Variants in PDE12 observed in about 807,000 individuals in gnomAD.
PDE12 encodes the protein 2',5'-phosphodiesterase 12.
PDE12 carries 26 observed loss-of-function variants against 45.4 expected under a neutral mutation model. The observed-to-expected ratio is 0.57, with a 90% CI of 0.42 to 0.79. The LOEUF is 0.79. PDE12 is among the 30% of genes least tolerant of loss of function. The pLI is 0.00. For synonymous variants in PDE12, 283 were observed against 323.9 expected (o/e 0.87, Z 1.36); for missense variants, 668 against 790.0 (o/e 0.85, Z 1.85).
the PDE12 span, among the ~76,000 whole-genome samples, chr3:57,651,858 T>C: frequency 7.9e-5 from 12 of 152,058 alleles, no homozygotes; most frequent in Non-Finnish European, 1.3e-4. Context: ...TTAGAATCTA[T>C]TGAATAAAAC....
the PDE12 span, chr3:57,572,145 T>C: frequency 7.9e-7 from 1 of 1,261,814 alleles, no homozygotes; most frequent in Non-Finnish European, 1.2e-6. Context: ...AGATACAAAC[T>C]AATTTTGTTG....
At position 57,566,586 on chromosome 3, in the gene PDE12, A is replaced by G. The variant is rs2069788286; in HGVS notation, c.*6582A>G. On this transcript the variant is annotated 3_prime_UTR_variant, in exon 3 of 3. Transcript: ENST00000311180. ...CACTATTTTGCATTCCCACCAAGCA[A>G]TATGAGGGTTCCAGTTTCCCTCCAT... The G allele has an allele frequency of 6.6e-6, 1 of 152,194 alleles. No homozygotes were observed. The highest frequency in any genetic ancestry group is 2.4e-5 in the African/African-American group (1 of 41,442). The allele number at this position is 152,194 out of a possible 1,614,324, so 9.4% of individuals were successfully genotyped here.
At chr3:57,580,478 T>A in the PDE12 span, among the ~76,000 whole-genome samples, 1 of 152,142 alleles carries the variant, frequency 6.6e-6, no homozygotes, top group African/African-American at 2.4e-5. Flanking sequence ...TGTAGCTCAC[T>A]TCAGCCTCCA....
the PDE12 span, among the ~76,000 whole-genome samples, chr3:57,572,494 G>T: frequency 6.6e-6 from 1 of 151,674 alleles, no homozygotes; most frequent in South Asian, 2.1e-4. Flanking sequence ...GCGGAGATGG[G>T]AGGATCACTT....
chr3:57,594,596 C>A, the PDE12 span, among the ~76,000 whole-genome samples: 1 of 152,104 alleles, frequency 6.6e-6, no homozygotes, highest in African/African-American at 2.4e-5. Flanking sequence ...AGCAGGTGTA[C>A]GAATTAAATT....
the PDE12 span, among the ~76,000 whole-genome samples, chr3:57,594,620 T>C: frequency 5.3e-5 from 8 of 152,236 alleles, no homozygotes; most frequent in African/African-American, 1.9e-4. Flanking sequence ...AACTTCTCCA[T>C]AGTAGTTTGG....
rs1414723395 is a variant in PDE12 at position 57,561,577 on chromosome 3, G to A, written c.*1573G>A. On this transcript the variant is annotated 3_prime_UTR_variant, in exon 3 of 3. Coordinates refer to ENST00000311180, the MANE Select transcript of PDE12 (RefSeq NM_177966.7). ...ATACATTATTTATAATGCATTAGCT[G>A]TATTAGCTGTTGCTTTTTTGATGTT... The A allele has an allele frequency of 3.0e-6, 3 of 984,474 alleles. No individual in the cohort carries two copies. Among genetic ancestry groups the A allele is most frequent in the Non-Finnish European group, 3.6e-6 (3 of 829,282 alleles). 61.0% of individuals were successfully genotyped at this position (984,474 alleles called of 1,614,324 possible).
the PDE12 span, chr3:57,645,607 C>A: frequency 6.1e-6 from 8 of 1,317,494 alleles, no homozygotes; most frequent in East Asian, 4.7e-5. Flanking sequence ...AATAATTCTA[C>A]ACAATTTTGG....
the PDE12 span, among the ~76,000 whole-genome samples, chr3:57,651,124 T>G: frequency 6.6e-6 from 1 of 152,082 alleles, no homozygotes; most frequent in South Asian, 2.1e-4. Flanking sequence ...AAAAATGAAG[T>G]ACAGACAGTC....
chr3:57,633,171 C>T, the PDE12 span: 1 of 1,073,596 alleles, frequency 9.3e-7, no homozygotes, highest in Admixed American at 2.2e-5. Context: ...TGGCAAAACA[C>T]ACAACTTAAG....
chr3:57,630,690 T>G, the PDE12 span: 1 of 1,603,204 alleles, frequency 6.2e-7, no homozygotes. Flanking sequence ...GACACATGGG[T>G]GTAAAACAGG....
chr3:57,575,501 G>A, the PDE12 span: 1 of 1,546,444 alleles, frequency 6.5e-7, no homozygotes, highest in Non-Finnish European at 8.7e-7. Flanking sequence ...AACTATCCTA[G>A]TAAGTCTTAA....
the PDE12 span, chr3:57,630,556 G>T: frequency 2.6e-6 from 4 of 1,563,846 alleles, no homozygotes; most frequent in South Asian, 4.8e-5. Flanking sequence ...AGTAAAGTTT[G>T]ATTATAACTT....
At chr3:57,568,281 T>C (rs138788436), downstream of PDE12, among the ~76,000 whole-genome samples, 641 of 151,752 alleles carry the variant, frequency 4.2e-3, 6 homozygotes, top group African/African-American at 0.015. Context: ...CTAAGCAACA[T>C]GGCGAAACCC....
rs879155037 is a variant in PDE12 at position 57,561,367 on chromosome 3, C to T, written c.*1363C>T. 2.6e-5 allele frequency: 26 copies of T among 984,462 alleles called. No homozygotes were observed. The South Asian group carries it at 1.1e-3, about 41-fold the overall frequency. 61.0% of individuals were successfully genotyped at this position (984,462 alleles called of 1,614,324 possible). A position where few individuals can be genotyped will look rare whatever the true frequency, so the allele number is the denominator to read the frequency against. On this transcript the variant is annotated 3_prime_UTR_variant, in exon 3 of 3. Coordinates refer to ENST00000311180, the MANE Select transcript of PDE12 (RefSeq NM_177966.7). ...TTTTAAGCATCTCTGAAATAAAAAACTTCTTTTTACAGACAAGCATTATAG... is the reference window on the plus strand; with the variant it reads ...TTTTAAGCATCTCTGAAATAAAAAATTTCTTTTTACAGACAAGCATTATAG...
the PDE12 span, among the ~76,000 whole-genome samples, chr3:57,619,227 A>T: frequency 1.3e-5 from 2 of 152,078 alleles, no homozygotes; most frequent in African/African-American, 4.8e-5. Context: ...GGGTGCCTGT[A>T]GTCCCAGCTA....
At chr3:57,591,491 G>T in the PDE12 span, among the ~76,000 whole-genome samples, 1 of 145,710 alleles carries the variant, frequency 6.9e-6, no homozygotes, top group African/African-American at 2.5e-5. Flanking sequence ...TTTTGAGACA[G>T]AGTCTCACTC....
At chr3:57,620,341 AG>A in the PDE12 span, among the ~76,000 whole-genome samples, 1 of 152,152 alleles carries the variant, frequency 6.6e-6, no homozygotes, top group Non-Finnish European at 1.5e-5. Context: ...ATTTGAGCCC[AG>A]GAGTTTGAGA....
the PDE12 span, among the ~76,000 whole-genome samples, chr3:57,644,688 A>AGGGAG: frequency 1.2e-5 from 1 of 84,794 alleles, no homozygotes; most frequent in Non-Finnish European, 2.3e-5. Context: ...GCAACAGGGA[A>AGGGAG]GGGAGGGGAG....
Sources: allele counts gnomAD v4.1 joint callset (sites outside exome capture counted in the v4.1 genomes callset), GRCh38; gene constraint gnomAD v4.1.1; transcripts MANE v1.5; gene names NCBI Gene and HGNC (gene_info 2026-07-23, HGNC 2026-07-21).